PPP1R9A: variants seen among roughly 807,000 people sequenced by gnomAD.
PPP1R9A encodes the protein neurabin-1.
Under a neutral mutation model 141.9 loss-of-function variants are expected in PPP1R9A, and 59 were observed. The observed-to-expected ratio is 0.42, with a 90% CI of 0.34 to 0.52. PPP1R9A has a LOEUF of 0.52. Among genes scored for constraint, PPP1R9A ranks in the 20% least tolerant of loss-of-function variants. The pLI, the probability that PPP1R9A is intolerant of heterozygous loss-of-function variation, is 0.10. For synonymous variants in PPP1R9A, 500 were observed against 569.7 expected, an observed-to-expected ratio of 0.88 and a Z score of 1.74; for missense variants, 1,444 against 1,611.9, an observed-to-expected ratio of 0.90 and a Z score of 1.78.
intron 2 of PPP1R9A, among the ~76,000 whole-genome samples, chr7:95,082,351 AG>A: frequency 6.6e-6 from 1 of 152,290 alleles, no homozygotes; most frequent in East Asian, 1.9e-4. Flanking sequence ...AAAATACCTA[AG>A]AAGGCCCTCA....
chr7:95,097,594 A>G (rs1563231592), intron 2 of PPP1R9A, among the ~76,000 whole-genome samples: 1 of 152,304 alleles, frequency 6.6e-6, no homozygotes. Flanking sequence ...GTGTATACGT[A>G]TGTGTATATT....
chr7:95,062,109 G>A (rs1031503713), intron 2 of PPP1R9A, among the ~76,000 whole-genome samples: 2 of 151,816 alleles, frequency 1.3e-5, no homozygotes, highest in African/African-American at 4.8e-5. Flanking sequence ...TGAAGATGGT[G>A]GAGTGACTCC....
At chr7:95,110,663 G>C (rs1286038483) in intron 2 of PPP1R9A, among the ~76,000 whole-genome samples, 2 of 152,110 alleles carry the variant, frequency 1.3e-5, no homozygotes, top group Non-Finnish European at 2.9e-5. Flanking sequence ...TATCCTGTTT[G>C]CTGTACAGCC....
Position 94,971,261 on chromosome 7 carries a change from A to T in PPP1R9A, c.1395+59753A>T, listed in dbSNP as rs1394594501. On this transcript the variant is annotated intron_variant, in intron 2 of 19. Coordinates refer to ENST00000433360, the MANE Select transcript of PPP1R9A (RefSeq NM_001166160.2). The stretch of plus-strand genomic sequence containing the variant: ...GGTCTAGGAAGATTTCTTGGTAGAA[A>T]TCACATTTAAGTAATCCTCAGGTAG... Among the ~76,000 whole-genome samples the T allele has an allele frequency of 2.0e-5, 3 of 152,318 alleles. No individual in the cohort carries two copies. The East Asian group carries it at 5.8e-4, about 29-fold the overall frequency.
At chr7:95,058,610 A>G (rs1448969186) in intron 2 of PPP1R9A, among the ~76,000 whole-genome samples, 1 of 152,174 alleles carries the variant, frequency 6.6e-6, no homozygotes, top group Non-Finnish European at 1.5e-5. Context: ...ATCAGGCCAA[A>G]GGAAGGTTTC....
intron 2 of PPP1R9A, among the ~76,000 whole-genome samples, chr7:95,039,466 G>A (rs1222804978): frequency 6.6e-6 from 1 of 151,834 alleles, no homozygotes; most frequent in Non-Finnish European, 1.5e-5. Context: ...GCTGAGGCAG[G>A]AGAATTGCTT....
chr7:94,969,150 G>A (rs1056439547), intron 2 of PPP1R9A, among the ~76,000 whole-genome samples: 2 of 151,924 alleles, frequency 1.3e-5, no homozygotes, highest in Non-Finnish European at 2.9e-5. Context: ...CTGTCAATTC[G>A]TCAAACTCAT....
intron 12 of PPP1R9A, among the ~76,000 whole-genome samples, chr7:95,264,584 C>G (rs1287943038): frequency 6.6e-6 from 1 of 152,088 alleles, no homozygotes. Context: ...TTAAAGGATC[C>G]AATTTGTAGC....
Position 95,269,391 on chromosome 7 carries a change from C to T in PPP1R9A, c.3008C>T (p.Pro1003Leu), listed in dbSNP as rs368060387. 6.3e-7 allele frequency: 1 copy of T among 1,597,386 alleles called. No homozygotes were observed. The change falls in exon 14 of 20, where the codon CCT becomes CTT. Residue 1003 changes from proline to leucine, a missense_variant. By Grantham distance (98) the Pro-to-Leu change is moderately conservative. Transcript: ENST00000433360. ...GAACCACTGGACCCAGAAATGGGGC[C>T]TCTCTCCTCTATGTGGGGAGACACT... ...QEEPLDPEMG[P>L]LSSMWGDTSL...
At chr7:95,172,827 G>A (rs1832329808) in intron 5 of PPP1R9A, among the ~76,000 whole-genome samples, 1 of 151,788 alleles carries the variant, frequency 6.6e-6, no homozygotes, top group African/African-American at 2.4e-5. Flanking sequence ...CACTAATCAA[G>A]GCAATCTGGT....
rs1454756325 is a variant in PPP1R9A, at chr7:95,290,922, A to T, written c.*619A>T. 2 of 152,322 alleles carry T rather than the reference A, an allele frequency of 1.3e-5. No individual in the cohort carries two copies. The highest frequency in any genetic ancestry group is 2.9e-5 in the Non-Finnish European group (2 of 68,138). 9.4% of individuals were successfully genotyped at this position (152,322 alleles called of 1,614,324 possible). ...AAGTCATTCTGCTTGCTAGGCATCAAAAAGAAAGAAAATAAATTATAGCTA... is the reference window on the plus strand; with the variant it reads ...AAGTCATTCTGCTTGCTAGGCATCATAAAGAAAGAAAATAAATTATAGCTA... On this transcript the variant is annotated 3_prime_UTR_variant, in exon 20 of 20. Transcript: ENST00000433360.
At chr7:95,258,536 C>A (rs1799951190) in intron 12 of PPP1R9A, among the ~76,000 whole-genome samples, 1 of 152,036 alleles carries the variant, frequency 6.6e-6, no homozygotes, top group Admixed American at 6.6e-5. Context: ...TTAAGAAAAT[C>A]TGATCATTAA....
chr7:94,986,632 A>G (rs1220026933), intron 2 of PPP1R9A, among the ~76,000 whole-genome samples: 1 of 152,238 alleles, frequency 6.6e-6, no homozygotes, highest in Non-Finnish European at 1.5e-5. Context: ...ACAGCACAAA[A>G]TGATAAATGT....
At chr7:95,049,295 A>G (rs1375437621) in intron 2 of PPP1R9A, among the ~76,000 whole-genome samples, 1 of 152,170 alleles carries the variant, frequency 6.6e-6, no homozygotes, top group Non-Finnish European at 1.5e-5. Flanking sequence ...AGAAAGGTCA[A>G]TTTTTACCTC....
rs544077685 is a variant in PPP1R9A at position 95,258,023 on chromosome 7, T to C, written c.2665+5893T>C. Among the ~76,000 whole-genome samples, 508 of 152,306 alleles carry C rather than the reference T, an allele frequency of 3.3e-3. 2 individuals carry two copies. The highest frequency in any genetic ancestry group is 5.5e-3 in the Non-Finnish European group (372 of 68,026). The stretch of plus-strand genomic sequence containing the variant: ...GCAGCATGATTTATAATCCTTTGGG[T>C]ATATACCCAGTAATGGGATGGCTGG... On this transcript the variant is annotated intron_variant, in intron 12 of 19. Coordinates refer to ENST00000433360, the MANE Select transcript of PPP1R9A (RefSeq NM_001166160.2).
intron 2 of PPP1R9A, among the ~76,000 whole-genome samples, chr7:95,074,039 T>C (rs1299357838): frequency 6.6e-6 from 1 of 152,166 alleles, no homozygotes; most frequent in Non-Finnish European, 1.5e-5. Flanking sequence ...GAACCCCAAT[T>C]CCCACGTTTA....
chr7:95,116,767 A>G (rs1055632131), intron 3 of PPP1R9A, among the ~76,000 whole-genome samples: 1 of 152,236 alleles, frequency 6.6e-6, no homozygotes, highest in African/African-American at 2.4e-5. Context: ...ATATCTAAAT[A>G]TAATGTAAAG....
In PPP1R9A at chr7:95,274,168, G is replaced by A. The variant is rs1802733052; in HGVS notation, c.3296G>A (p.Arg1099Lys). 1 of 1,556,456 alleles carries A rather than the reference G, an allele frequency of 6.4e-7. No individual in the cohort carries two copies. The highest frequency in any genetic ancestry group is 8.7e-7 in the Non-Finnish European group (1 of 1,150,666). The part of the protein sequence containing the change: ...KEASRFSAGS[R>K]IFRGRLENWT... ...GCCAGTAGGTTTTCTGCAGGTAGCA[G>A]GTACGGTTGTGTGATTAAGAACACG... The change falls in exon 16 of 20, where the codon AGG becomes AAG. Residue 1099 changes from arginine to lysine, a missense_variant and splice_region_variant. Transcript: ENST00000433360.
chr7:95,122,011 A>G (rs982653281), intron 4 of PPP1R9A, among the ~76,000 whole-genome samples: 2 of 152,168 alleles, frequency 1.3e-5, no homozygotes, highest in African/African-American at 4.8e-5. Flanking sequence ...AAGAATTATT[A>G]TGTTGTTTTA....
Sources: gnomAD v4.1 joint callset for allele counts (sites outside exome capture counted in the v4.1 genomes callset) on GRCh38, gnomAD v4.1.1 for gene constraint, MANE v1.5 for transcripts, NCBI Gene and HGNC (gene_info 2026-07-23, HGNC 2026-07-21) for gene names.